The following HERC3 variants were observed in gnomAD, a reference collection of about 807,000 sequenced individuals.
HERC3 encodes the protein probable E3 ubiquitin-protein ligase HERC3.
In HERC3, 58 loss-of-function variants were observed where a neutral mutation model predicts 129.9. The ratio of observed to expected loss-of-function variants is 0.45; its 90% CI spans 0.36 to 0.56. HERC3 has a LOEUF of 0.56. Ranked by LOEUF, HERC3 falls within the 20% of genes least tolerant of loss-of-function variation. The pLI, the probability that HERC3 is intolerant of heterozygous loss-of-function variation, is 0.00. For missense variants in HERC3, 835 were observed against 1,244.2 expected (o/e 0.67, Z 4.95); for synonymous variants, 430 against 451.0 (o/e 0.95, Z 0.59).
intron 3 of HERC3, among the ~76,000 whole-genome samples, chr4:88,643,241 G>C (rs761703663): frequency 6.6e-6 from 1 of 152,144 alleles, no homozygotes; most frequent in African/African-American, 2.4e-5. Context: ...CCAAGACCTC[G>C]TAACTGTAGA....
the HERC3 span, among the ~76,000 whole-genome samples, chr4:88,582,324 A>C: frequency 6.6e-6 from 1 of 152,136 alleles, no homozygotes. Flanking sequence ...ATTAATTTTC[A>C]TCGGTCCTCT....
At chr4:88,563,733 C>T in the HERC3 span, among the ~76,000 whole-genome samples, 6 of 150,850 alleles carry the variant, frequency 4.0e-5, no homozygotes, top group Non-Finnish European at 5.9e-5. Flanking sequence ...GATCTCGGCT[C>T]ACAGCAACCT....
chr4:88,627,921 A>G (rs1030975220), intron 3 of HERC3, among the ~76,000 whole-genome samples: 11 of 151,726 alleles, frequency 7.2e-5, no homozygotes, highest in South Asian at 2.1e-4. Flanking sequence ...AAAAAAAAAA[A>G]AAAAGAAAAC....
Position 88,685,862 on chromosome 4 carries a change from C to T in HERC3, c.2508-874C>T, listed in dbSNP as rs1263372628. 2.0e-5 allele frequency among the ~76,000 whole-genome samples: 3 copies of T among 151,830 alleles called. No homozygotes were observed. In the East Asian group the frequency reaches 5.8e-4, roughly 29 times the overall value. On this transcript the variant is annotated intron_variant, in intron 21 of 25. Transcript: ENST00000402738. ...TTTATCTGTGTACTAATAATAAAAC[C>T]AGACTTACTTTTATGTCTCTTCAGT...
chr4:88,649,863 C>G lies in HERC3; in HGVS notation c.250C>G (p.Gln84Glu), dbSNP rs775667843. The change falls in exon 4 of 26, where the codon CAG (glutamine) becomes GAG (glutamate). Residue 84 changes from glutamine (Q) to glutamate (E), a missense_variant. Physicochemically the swap from Gln to Glu is conservative, Grantham distance 29. Coordinates refer to ENST00000402738, the MANE Select transcript of HERC3 (RefSeq NM_014606.3). The stretch of plus-strand genomic sequence containing the variant: ...AGAACAAATTGGAGCTCTGGCAGAT[C>G]AGCATATCATTCATGTGGCATGTGG... ...KPEQIGALAD[Q>E]HIIHVACGES... is the part of the protein sequence containing the mutation. 6.8e-6 allele frequency: 11 copies of G among 1,613,900 alleles called. No individual in the cohort carries two copies. The highest frequency in any genetic ancestry group is 5.0e-5 in the Admixed American group (3 of 59,994).
At chr4:88,619,129 C>T (rs139462242) in intron 3 of HERC3, among the ~76,000 whole-genome samples, 197 of 152,270 alleles carry the variant, frequency 1.3e-3, no homozygotes, top group African/African-American at 4.1e-3. Context: ...GTCATCCTGG[C>T]GAGGTAGAGC....
At chr4:88,543,243 C>G in the HERC3 span, among the ~76,000 whole-genome samples, 20 of 152,296 alleles carry the variant, frequency 1.3e-4, no homozygotes, top group Admixed American at 1.2e-3. Flanking sequence ...AGCAAAGTCT[C>G]AAGATACAAA....
chr4:88,531,487 A>C, the HERC3 span, among the ~76,000 whole-genome samples: 2 of 152,256 alleles, frequency 1.3e-5, no homozygotes, highest in Admixed American at 6.5e-5. Context: ...GCAACTCCAC[A>C]TGATATTAAT....
chr4:88,619,190 T>C (rs2149218417), intron 3 of HERC3, among the ~76,000 whole-genome samples: 1 of 152,366 alleles, frequency 6.6e-6, no homozygotes, highest in South Asian at 2.1e-4. Flanking sequence ...TTTTCTGTTG[T>C]TCCTCTTCCC....
chr4:88,681,111 C>T, intron 20 of HERC3, 48 bp from the exon 21 acceptor site: 1 of 1,516,134 alleles, frequency 6.6e-7, no homozygotes, highest in South Asian at 1.3e-5. Context: ...GTTTGAAGGC[C>T]AGAAACATTG....
intron 2 of HERC3, among the ~76,000 whole-genome samples, chr4:88,604,260 C>T (rs575978579): frequency 8.5e-5 from 13 of 152,324 alleles, no homozygotes; most frequent in South Asian, 8.3e-4. Flanking sequence ...CTCAGGTGGT[C>T]CGCCCGCCTT....
intron 2 of HERC3, among the ~76,000 whole-genome samples, chr4:88,604,873 G>C (rs1023725045): frequency 1.3e-5 from 2 of 152,256 alleles, no homozygotes; most frequent in African/African-American, 4.8e-5. Context: ...GGTTCTAATA[G>C]CCCCACATTA....
chr4:88,564,736 T>C, the HERC3 span, among the ~76,000 whole-genome samples: 1 of 152,172 alleles, frequency 6.6e-6, no homozygotes, highest in Non-Finnish European at 1.5e-5. Context: ...TTATCTCTGC[T>C]CTGATCTTTA....
chr4:88,564,665 A>G, the HERC3 span, among the ~76,000 whole-genome samples: 1 of 151,912 alleles, frequency 6.6e-6, no homozygotes, highest in South Asian at 2.1e-4. Context: ...TGTTGAGTTT[A>G]TCTTTTCAAA....
chr4:88,549,735 C>T, the HERC3 span, among the ~76,000 whole-genome samples: 7 of 150,582 alleles, frequency 4.6e-5, no homozygotes, highest in East Asian at 7.8e-4. Context: ...GATGGGGTCT[C>T]GCTCTGTCAC....
At chr4:88,545,053 T>TA in the HERC3 span, among the ~76,000 whole-genome samples, 1 of 152,130 alleles carries the variant, frequency 6.6e-6, no homozygotes, top group South Asian at 2.1e-4. Flanking sequence ...AGTATAATAA[T>TA]AAAAAAATCC....
the HERC3 span, among the ~76,000 whole-genome samples, chr4:88,548,753 C>T: frequency 9.2e-5 from 14 of 151,736 alleles, no homozygotes; most frequent in Admixed American, 2.0e-4. Flanking sequence ...CTCTGCCTCC[C>T]GGGTTCAAGC....
intron 23 of HERC3, among the ~76,000 whole-genome samples, chr4:88,695,434 A>G (rs1204019813): frequency 6.6e-6 from 1 of 152,216 alleles, no homozygotes; most frequent in Non-Finnish European, 1.5e-5. Flanking sequence ...AAGCAAACAT[A>G]AAGTTGAAAT....
At chr4:88,690,342 A>T (rs1733947501) in intron 23 of HERC3, 1 of 985,238 alleles carries the variant, frequency 1.0e-6, no homozygotes, top group African/African-American at 1.7e-5. Flanking sequence ...AGCCCAGCTG[A>T]TTTCCCTTCC....
Sources: gnomAD v4.1 joint callset for allele counts (sites outside exome capture counted in the v4.1 genomes callset) on GRCh38, gnomAD v4.1.1 for gene constraint, MANE v1.5 for transcripts, NCBI Gene and HGNC (gene_info 2026-07-23, HGNC 2026-07-21) for gene names.